CIAPIN1: variants seen among roughly 807,000 people sequenced by gnomAD.
CIAPIN1 encodes anamorsin.
A neutral mutation model predicts 34.3 loss-of-function variants in CIAPIN1; 18 were observed. That is an observed-to-expected ratio of 0.52 (90% CI 0.36 to 0.78). CIAPIN1 has a LOEUF of 0.78. Among genes scored for constraint, CIAPIN1 ranks in the 30% least tolerant of loss-of-function variants. The pLI is 0.00. For missense variants in CIAPIN1, 310 were observed against 372.5 expected, an observed-to-expected ratio of 0.83 and a Z score of 1.38; for synonymous variants, 131 against 140.4, an observed-to-expected ratio of 0.93 and a Z score of 0.47.
intron 8 of CIAPIN1, among the ~76,000 whole-genome samples, chr16:57,429,891 C>T (rs981876440): frequency 5.9e-5 from 9 of 151,900 alleles, no homozygotes; most frequent in Non-Finnish European, 7.4e-5. Flanking sequence ...GTGATTCTCC[C>T]GCCTCAGCCT....
intron 2 of CIAPIN1, among the ~76,000 whole-genome samples, chr16:57,440,129 G>A (rs921309379): frequency 1.9e-4 from 29 of 152,280 alleles, no homozygotes; most frequent in Admixed American, 2.0e-4. Flanking sequence ...TGGGATGTCT[G>A]TCTTATATGG....
chr16:57,443,772 A>G (rs530152540), intron 1 of CIAPIN1, among the ~76,000 whole-genome samples: 37 of 152,294 alleles, frequency 2.4e-4, no homozygotes, highest in African/African-American at 8.9e-4. Flanking sequence ...TTAAATCCCT[A>G]AACAGCACAC....
intron 5 of CIAPIN1, 162 bp downstream of exon 5, chr16:57,433,882 T>G (rs1903142414): frequency 1.6e-6 from 1 of 643,948 alleles, no homozygotes; most frequent in South Asian, 1.8e-5. Context: ...GATCCTAATA[T>G]GCCCATGATA....
At position 57,428,572 on chromosome 16, in the gene CIAPIN1, A is replaced by T. The variant is rs1410023360; in HGVS notation, c.*598T>A. 6.6e-6 allele frequency: 1 copy of T among 152,340 alleles called. No individual in the cohort carries two copies. The highest frequency in any genetic ancestry group is 1.5e-5 in the Non-Finnish European group (1 of 68,128). The allele number at this position is 152,340 out of a possible 1,614,324, so 9.4% of individuals were successfully genotyped here. On this transcript the variant is annotated 3_prime_UTR_variant, in exon 9 of 9. Coordinates refer to ENST00000394391, the MANE Select transcript of CIAPIN1 (RefSeq NM_020313.4). ...ATATGTCAAGATATGCAGCAAGTTT[A>T]ATACCTGAAGGTTAACATAAATGAC...
chr16:57,447,374 A>G lies in CIAPIN1; in HGVS notation c.-88T>C. ...CTGGGCTCGCTCCCGGCTTCTCTCC[A>G]GCCGTCGACTCCACGCCTTGCGCCT... is the stretch of plus-strand genomic sequence containing the variant. On this transcript the variant is annotated 5_prime_UTR_variant, in exon 1 of 9. Coordinates refer to ENST00000394391, the MANE Select transcript of CIAPIN1 (RefSeq NM_020313.4). The G allele has an allele frequency of 1.1e-6, 1 of 873,012 alleles. No individual in the cohort carries two copies. Among genetic ancestry groups the G allele is most frequent in the South Asian group, 5.9e-5 (1 of 16,982 alleles). 54.1% of individuals were successfully genotyped at this position (873,012 alleles called of 1,614,324 possible).
intron 1 of CIAPIN1, among the ~76,000 whole-genome samples, chr16:57,445,143 T>G (rs181949573): frequency 2.6e-5 from 4 of 152,316 alleles, no homozygotes; most frequent in Admixed American, 2.0e-4. Context: ...GTTCAAAAAA[T>G]TCTTTAACTC....
At chr16:57,439,445 C>T (rs1315515549) in intron 2 of CIAPIN1, 111 bp from the exon 3 acceptor site, 4 of 1,042,732 alleles carry the variant, frequency 3.8e-6, no homozygotes, top group Admixed American at 2.2e-5. Flanking sequence ...ATGGACACCA[C>T]TCGATATCCA....
chr16:57,446,669 C>A (rs2030084724), intron 1 of CIAPIN1, among the ~76,000 whole-genome samples: 1 of 152,186 alleles, frequency 6.6e-6, no homozygotes, highest in South Asian at 2.1e-4. Flanking sequence ...ATGAAGGGCA[C>A]CAGCCTTTCC....
intron 3 of CIAPIN1, among the ~76,000 whole-genome samples, chr16:57,437,718 G>A (rs1903236834): frequency 6.6e-6 from 1 of 151,834 alleles, no homozygotes; most frequent in African/African-American, 2.4e-5. Context: ...TAGAGACGGG[G>A]TTTCGCCATG....
In CIAPIN1 at chr16:57,436,825, A is replaced by C. The variant is rs1903211471; in HGVS notation, c.311-93T>G. 4.1e-6 allele frequency: 4 copies of C among 965,528 alleles called. No individual in the cohort carries two copies. In the South Asian group the frequency reaches 5.8e-5, roughly 14 times the overall value. 59.8% of individuals were successfully genotyped at this position (965,528 alleles called of 1,614,324 possible). A position where few individuals can be genotyped will look rare whatever the true frequency, so the allele number is the denominator to read the frequency against. On this transcript the variant is annotated intron_variant, in intron 3 of 8. Transcript: ENST00000394391. Reference sequence around the variant, plus strand: ...CCTATATGGGTTCGCAGGCATTCAAACAATAATAACCAGGTGGGCGTGGTG... The same window carrying C: ...CCTATATGGGTTCGCAGGCATTCAACCAATAATAACCAGGTGGGCGTGGTG...
In CIAPIN1 at chr16:57,430,297, C is replaced by G; in HGVS notation, c.789G>C (p.Arg263Ser). 6.2e-7 allele frequency: 1 copy of G among 1,614,190 alleles called. No individual in the cohort carries two copies. Among genetic ancestry groups the G allele is most frequent in the Non-Finnish European group, 8.5e-7 (1 of 1,180,034 alleles). The change falls in exon 8 of 9, where the codon AGG becomes AGC. Residue 263 changes from arginine to serine, a missense_variant. Arg to Ser is a moderately radical substitution (Grantham distance 110, BLOSUM62 -1). Coordinates refer to ENST00000394391, the MANE Select transcript of CIAPIN1 (RefSeq NM_020313.4). ...LAEELEKEKS[R>S]EQMSSQPKSA... is the part of the protein sequence containing the mutation. Reference sequence around the variant, plus strand: ...ACTTGGGTTGGGAGCTCATCTGTTCCCTTGACTTCTCTTTTTCCAGTTCTT... The same window carrying G: ...ACTTGGGTTGGGAGCTCATCTGTTCGCTTGACTTCTCTTTTTCCAGTTCTT...
chr16:57,444,036 G>A (rs1567574753), intron 1 of CIAPIN1, among the ~76,000 whole-genome samples: 1 of 152,200 alleles, frequency 6.6e-6, no homozygotes, highest in African/African-American at 2.4e-5. Context: ...ACTTTGCACT[G>A]TACTTACAGA....
chr16:57,429,937 G>T (rs945014510), intron 8 of CIAPIN1, among the ~76,000 whole-genome samples: 1 of 151,988 alleles, frequency 6.6e-6, no homozygotes, highest in Non-Finnish European at 1.5e-5. Context: ...GAGCCACTGC[G>T]CCCGGCCATA....
chr16:57,432,468 G>A lies in CIAPIN1; in HGVS notation c.630+19C>T. 6.2e-7 allele frequency: 1 copy of A among 1,612,060 alleles called. No homozygotes were observed. The highest frequency in any genetic ancestry group is 8.5e-7 in the Non-Finnish European group (1 of 1,178,628). ...GGGGCCTGAAAGAAAGCAATCAAGTGACAATGCTGCCAGCTCACCATGCTG... is the reference window on the plus strand; with the variant it reads ...GGGGCCTGAAAGAAAGCAATCAAGTAACAATGCTGCCAGCTCACCATGCTG... On this transcript the variant is annotated intron_variant, in intron 6 of 8. Transcript: ENST00000394391.
rs1159543662 is a variant in CIAPIN1 at position 57,428,344 on chromosome 16, G to A, written c.*826C>T. 2.6e-5 allele frequency: 4 copies of A among 152,188 alleles called. No individual in the cohort carries two copies. Among genetic ancestry groups the A allele is most frequent in the Non-Finnish European group, 4.4e-5 (3 of 68,046 alleles). The allele number at this position is 152,188 out of a possible 1,614,324, so 9.4% of individuals were successfully genotyped here. A position where few individuals can be genotyped will look rare whatever the true frequency, so the allele number is the denominator to read the frequency against. ...GCTCAGAGAGACGTATTGTCGTTCA[G>A]AGTTCTGCCCTGCTTCCCTCTAAAT... On this transcript the variant is annotated 3_prime_UTR_variant, in exon 9 of 9. Coordinates refer to ENST00000394391, the MANE Select transcript of CIAPIN1 (RefSeq NM_020313.4).
Position 57,439,299 on chromosome 16 carries a change from A to C in CIAPIN1, c.193T>G (p.Ser65Ala). Residue 65 changes from serine (S) to alanine (A), a missense_variant, in exon 3 of 9, where the codon TCA (serine) becomes GCA (alanine). Physicochemically the swap from Ser to Ala is moderately conservative, Grantham distance 99. Transcript: ENST00000394391. Reference sequence around the variant, plus strand: ...GTGGTGCTTCCTGGGACTAAACCTGACAAAATAATGTCAAAGCTGGATTCT... The same window carrying C: ...GTGGTGCTTCCTGGGACTAAACCTGCCAAAATAATGTCAAAGCTGGATTCT... Reference protein sequence around the residue: ...HKESSFDIILSGLVPGSTTLH... With the variant: ...HKESSFDIILAGLVPGSTTLH... 3 of 1,614,182 alleles carry C rather than the reference A, an allele frequency of 1.9e-6. No homozygotes were observed. Among genetic ancestry groups the C allele is most frequent in the Non-Finnish European group, 2.5e-6 (3 of 1,180,026 alleles).
chr16:57,440,634 T>C, intron 2 of CIAPIN1, 138 bp downstream of exon 2: 2 of 948,368 alleles, frequency 2.1e-6, no homozygotes, highest in Non-Finnish European at 3.2e-6. Flanking sequence ...ATATCTCAAC[T>C]GAAAAACAAC....
At chr16:57,446,810 G>A (rs1168539105) in intron 1 of CIAPIN1, among the ~76,000 whole-genome samples, 1 of 152,198 alleles carries the variant, frequency 6.6e-6, no homozygotes, top group Non-Finnish European at 1.5e-5. Context: ...GCATCCTTCC[G>A]ATCTGGATAC....
Position 57,428,345 on chromosome 16 carries a change from A to C in CIAPIN1, c.*825T>G, listed in dbSNP as rs779307751. 1.3e-5 allele frequency: 2 copies of C among 152,184 alleles called. No homozygotes were observed. Among genetic ancestry groups the C allele is most frequent in the African/African-American group, 4.8e-5 (2 of 41,446 alleles). 9.4% of individuals were successfully genotyped at this position (152,184 alleles called of 1,614,324 possible). On this transcript the variant is annotated 3_prime_UTR_variant, in exon 9 of 9. Transcript: ENST00000394391. ...CTCAGAGAGACGTATTGTCGTTCAG[A>C]GTTCTGCCCTGCTTCCCTCTAAATG...
Sources: gnomAD v4.1 joint callset for allele counts (sites outside exome capture counted in the v4.1 genomes callset) on GRCh38, gnomAD v4.1.1 for gene constraint, MANE v1.5 for transcripts, NCBI Gene and HGNC (gene_info 2026-07-23, HGNC 2026-07-21) for gene names.